The following IPO8 variants were observed in gnomAD, a reference collection of about 807,000 sequenced individuals.
The protein encoded by IPO8 is importin 8.
IPO8 carries 65 observed loss-of-function variants against 141.2 expected under a neutral mutation model. The ratio of observed to expected loss-of-function variants is 0.46; its 90% CI spans 0.38 to 0.57. The LOEUF is 0.57. IPO8 is among the 20% of genes least tolerant of loss of function. The pLI is 0.00. For missense variants in IPO8, 980 were observed against 1,246.8 expected, an observed-to-expected ratio of 0.79 and a Z score of 3.22; for synonymous variants, 411 against 420.3, an observed-to-expected ratio of 0.98 and a Z score of 0.27.
chr12:30,671,195 A>G, intron 8 of IPO8, 99 bp from the exon 9 acceptor site: 1 of 710,318 alleles, frequency 1.4e-6, no homozygotes, highest in South Asian at 1.9e-5. Context: ...AATCCATAGA[A>G]AAATAAACAG....
At chr12:30,669,025 C>T (rs1043730164) in intron 10 of IPO8, among the ~76,000 whole-genome samples, 158 bp downstream of exon 10, 4 of 152,118 alleles carry the variant, frequency 2.6e-5, no homozygotes, top group African/African-American at 9.7e-5. Flanking sequence ...TTCTCTAGTT[C>T]AACAAAATAA....
rs946293436 is a variant in IPO8, at chr12:30,658,834, G to GC, written c.1882-2085dup. On this transcript the variant is annotated intron_variant, in intron 16 of 24. Transcript: ENST00000256079. ...TAATGAAAATGAAAATAAAAATTAAGCCCTTTAGGCAAATGAAGACTAGTC... is the reference window on the plus strand; with the variant it reads ...TAATGAAAATGAAAATAAAAATTAAGCCCCTTTAGGCAAATGAAGACTAGTC... Among the ~76,000 whole-genome samples the GC allele has an allele frequency of 5.6e-4, 82 of 147,594 alleles. 2 individuals carry two copies. The highest frequency in any genetic ancestry group is 1.9e-3 in the African/African-American group (76 of 40,314).
At chr12:30,663,808 TC>T (rs1410645010) in intron 13 of IPO8, among the ~76,000 whole-genome samples, 154 bp from the exon 14 acceptor site, 4 of 152,098 alleles carry the variant, frequency 2.6e-5, no homozygotes, top group Non-Finnish European at 4.4e-5. Context: ...AACTTCTACA[TC>T]CCCCTTTTTA....
chr12:30,652,010 C>T (rs778198230), intron 19 of IPO8, among the ~76,000 whole-genome samples, 182 bp downstream of exon 19: 6 of 151,794 alleles, frequency 4.0e-5, no homozygotes, highest in Admixed American at 1.3e-4. Context: ...TTCATAAGCA[C>T]GACACACAAT....
chr12:30,640,533 G>A (rs994291448), intron 20 of IPO8, among the ~76,000 whole-genome samples: 41 of 152,076 alleles, frequency 2.7e-4, no homozygotes, highest in African/African-American at 9.9e-4. Flanking sequence ...ATACTTTTAA[G>A]ACCATAAAGC....
At chr12:30,631,809 G>T in intron 24 of IPO8, 86 bp downstream of exon 24, 2 of 774,426 alleles carry the variant, frequency 2.6e-6, no homozygotes, top group South Asian at 3.3e-5. Context: ...CAAAAACAGT[G>T]TTTAGGTGCC....
At chr12:30,680,405 T>C in intron 5 of IPO8, 77 bp downstream of exon 5, 1 of 1,090,156 alleles carries the variant, frequency 9.2e-7, no homozygotes, top group South Asian at 1.6e-5. Context: ...TAATAATAAG[T>C]GACACTTATT....
intron 9 of IPO8, among the ~76,000 whole-genome samples, chr12:30,670,140 G>T (rs1182828369): frequency 6.6e-6 from 1 of 152,128 alleles, no homozygotes; most frequent in East Asian, 1.9e-4. Flanking sequence ...TAATTGCAAA[G>T]AAATTATCAC....
chr12:30,695,521 C>G lies in IPO8; in HGVS notation c.84+43G>C. The G allele has an allele frequency of 6.4e-7, 1 of 1,566,778 alleles. No homozygotes were observed. The highest frequency in any genetic ancestry group is 1.8e-4 in the Middle Eastern group (1 of 5,508). On this transcript the variant is annotated intron_variant, in intron 1 of 24. Transcript: ENST00000256079. The surrounding 1 kb of genome is among the most constrained non-coding windows in gnomAD (Gnocchi z 4.2). ...AGGGAGCCCGGCCAGCCGGCAGGGG[C>G]GCCCCTTCGGCGGAAGAGGGTCGCC...
At chr12:30,658,963 C>T (rs886997606) in intron 16 of IPO8, among the ~76,000 whole-genome samples, 5 of 145,088 alleles carry the variant, frequency 3.4e-5, no homozygotes, top group African/African-American at 7.7e-5. Context: ...TCATTGCGAG[C>T]TCCGCCTCCC....
intron 9 of IPO8, among the ~76,000 whole-genome samples, chr12:30,669,613 C>G (rs571870387): frequency 7.3e-5 from 11 of 150,568 alleles, no homozygotes; most frequent in Non-Finnish European, 1.6e-4. Flanking sequence ...GGCACTGTAG[C>G]GAGACCCCAT....
intron 16 of IPO8, among the ~76,000 whole-genome samples, chr12:30,657,470 G>A (rs1025323169): frequency 3.9e-5 from 6 of 152,068 alleles, no homozygotes; most frequent in African/African-American, 1.4e-4. Context: ...CACAATGAAG[G>A]ACAAGTTGGC....
chr12:30,685,327 C>CCT (rs139295522), intron 2 of IPO8, among the ~76,000 whole-genome samples: 3,726 of 151,694 alleles, frequency 0.025, 150 homozygotes, highest in African/African-American at 0.084. Context: ...TTTAGTTAGA[C>CCT]AAGATTTCAC....
chr12:30,676,516 G>C lies in IPO8; in HGVS notation c.711C>G (p.Ile237Met). The C allele has an allele frequency of 1.2e-6, 2 of 1,612,846 alleles. No individual in the cohort carries two copies. The highest frequency in any genetic ancestry group is 1.7e-6 in the Non-Finnish European group (2 of 1,179,120). Residue 237 changes from isoleucine (I) to methionine (M), a missense_variant, in exon 6 of 25, where the codon ATC (isoleucine) becomes ATG (methionine). Around this residue, in one of 3 missense-constraint regions of IPO8, gnomAD observed 924 missense variants for 1,153.9 expected, o/e 0.80. Coordinates refer to ENST00000256079, the MANE Select transcript of IPO8 (RefSeq NM_006390.4). ...TTCTTACAGGAGGAACGGTCCTGTC[G>C]ATAATAGTTCGGAAGATCTCCATCC... The part of the protein sequence containing the change: ...TTWMEIFRTI[I>M]DRTVPPETLH...
chr12:30,665,640 C>T (rs2052952223), intron 12 of IPO8, 89 bp downstream of exon 12: 2 of 785,750 alleles, frequency 2.5e-6, no homozygotes, highest in Non-Finnish European at 4.3e-6. Flanking sequence ...AGGTAGTCAC[C>T]AGCTTTAAAT....
intron 17 of IPO8, among the ~76,000 whole-genome samples, chr12:30,654,760 G>A (rs1159158733): frequency 6.6e-6 from 1 of 151,912 alleles, no homozygotes; most frequent in Non-Finnish European, 1.5e-5. Context: ...TGGTGAGAGA[G>A]TAAAAACAGC....
chr12:30,638,190 C>T (rs1417446755), intron 21 of IPO8, among the ~76,000 whole-genome samples: 2 of 152,200 alleles, frequency 1.3e-5, no homozygotes, highest in Non-Finnish European at 2.9e-5. Flanking sequence ...GCTTCCAGTG[C>T]TAATAAACAC....
At chr12:30,634,350 G>T in intron 22 of IPO8, 64 bp from the exon 23 acceptor site, 1 of 1,337,942 alleles carries the variant, frequency 7.5e-7, no homozygotes, top group Non-Finnish European at 1.1e-6. Context: ...AAAACTTCAC[G>T]ACAAAAACCA....
In IPO8 at chr12:30,695,632, T is replaced by C. The variant is rs1054423; in HGVS notation, c.16A>G (p.Ile6Val). ...ATGGTGCCCTTCAGCGCCTGGATGA[T>C]CCGGTTGAGGTCCATCTCCCCGGGT... MDLNR[I>V]IQALKGTIDP... is the part of the protein sequence containing the mutation. Residue 6 changes from isoleucine (I) to valine (V), a missense_variant, in exon 1 of 25, where the codon ATC becomes GTC. Physicochemically the swap from Ile to Val is conservative, Grantham distance 29 (BLOSUM62 3). Coordinates refer to ENST00000256079, the MANE Select transcript of IPO8 (RefSeq NM_006390.4). This position sits in a 1 kb window ranked among gnomAD's most constrained non-coding sequence, Gnocchi z 4.2. The C allele has an allele frequency of 6.2e-7, 1 of 1,613,952 alleles. No individual in the cohort carries two copies. The highest frequency in any genetic ancestry group is 1.3e-5 in the African/African-American group (1 of 74,936).
Sources: gnomAD v4.1 joint callset for allele counts (sites outside exome capture counted in the v4.1 genomes callset) on GRCh38, gnomAD v4.1.1 for gene constraint, gnomAD v4.1.1 regional missense constraint, Gnocchi (gnomAD v3.1) non-coding constraint, MANE v1.5 for transcripts, NCBI Gene and HGNC (gene_info 2026-07-23, HGNC 2026-07-21) for gene names.